The following CADM2 variants were observed in gnomAD, a reference collection of about 807,000 sequenced individuals.
The protein encoded by CADM2 is cell adhesion molecule 2.
CADM2 carries 12 observed loss-of-function variants against 49.8 expected under a neutral mutation model. The ratio of observed to expected loss-of-function variants is 0.24; its 90% CI spans 0.15 to 0.39. CADM2 has a LOEUF of 0.39. Ranked by LOEUF, CADM2 falls within the 10% of genes least tolerant of loss-of-function variation. The pLI is 1.00. For missense variants in CADM2, 378 were observed against 492.3 expected, an observed-to-expected ratio of 0.77 and a Z score of 2.20; for synonymous variants, 214 against 175.4, an observed-to-expected ratio of 1.22 and a Z score of -1.74.
At chr3:85,028,056 AC>A (rs1189366994) in intron 1 of CADM2, among the ~76,000 whole-genome samples, 1 of 152,074 alleles carries the variant, frequency 6.6e-6, no homozygotes, top group East Asian at 1.9e-4. Context: ...AAAAACCCAA[AC>A]CCTTGTATTC....
intron 1 of CADM2, among the ~76,000 whole-genome samples, chr3:85,157,082 A>C (rs2040154014): frequency 6.6e-6 from 1 of 152,200 alleles, no homozygotes; most frequent in African/African-American, 2.4e-5. Flanking sequence ...GTGAACTCCC[A>C]TTCACAATTG....
chr3:85,201,479 T>C (rs945971765), intron 1 of CADM2, among the ~76,000 whole-genome samples: 1 of 152,186 alleles, frequency 6.6e-6, no homozygotes, highest in African/African-American at 2.4e-5. Flanking sequence ...CTGATTAGGA[T>C]GGTAGTTGCT....
chr3:85,433,214 G>A (rs889699062), intron 1 of CADM2, among the ~76,000 whole-genome samples: 1 of 151,704 alleles, frequency 6.6e-6, no homozygotes, highest in African/African-American at 2.4e-5. Flanking sequence ...AAAATAACTA[G>A]CTATCCTTTG....
In CADM2 at chr3:85,237,726, C is replaced by T. The variant is rs531991966; in HGVS notation, c.61+278058C>T. On this transcript the variant is annotated intron_variant, in intron 1 of 9. Coordinates refer to ENST00000383699, the MANE Select transcript of CADM2 (RefSeq NM_001167675.2). ...GCTTCTTAAAATATAAAGTTGTCTT[C>T]AAGTATCAAGGCATCAAGTTTTATA... Among the ~76,000 whole-genome samples the T allele has an allele frequency of 1.3e-4, 19 of 151,690 alleles. 1 individual carries two copies. The highest frequency in any genetic ancestry group is 4.6e-4 in the African/African-American group (19 of 41,466).
intron 1 of CADM2, among the ~76,000 whole-genome samples, chr3:85,119,894 C>A (rs955946563): frequency 6.6e-6 from 1 of 152,104 alleles, no homozygotes; most frequent in Non-Finnish European, 1.5e-5. Context: ...TCAGAGTGAA[C>A]AGGCAACCTA....
At chr3:85,435,370 G>A (rs1216650563) in intron 1 of CADM2, among the ~76,000 whole-genome samples, 2 of 152,102 alleles carry the variant, frequency 1.3e-5, no homozygotes. Flanking sequence ...TGGCTGCATA[G>A]TATTCCATGG....
intron 8 of CADM2, among the ~76,000 whole-genome samples, chr3:86,020,762 A>G (rs1429713610): frequency 6.6e-6 from 1 of 152,216 alleles, no homozygotes. Context: ...ATAGATGCAG[A>G]AAAAGCCTTT....
chr3:85,507,986 A>G (rs1459691367), intron 1 of CADM2, among the ~76,000 whole-genome samples: 1 of 152,198 alleles, frequency 6.6e-6, no homozygotes, highest in Non-Finnish European at 1.5e-5. Flanking sequence ...TTTTGGCACA[A>G]TAGTGAGTCT....
intron 1 of CADM2, among the ~76,000 whole-genome samples, chr3:85,042,742 C>T (rs973498987): frequency 6.6e-6 from 1 of 152,106 alleles, no homozygotes; most frequent in South Asian, 2.1e-4. Context: ...CAGGTCTCTT[C>T]CAAACAACTT....
intron 8 of CADM2, chr3:85,979,338 G>C: frequency 1.3e-6 from 2 of 1,567,128 alleles, no homozygotes; most frequent in Non-Finnish European, 1.7e-6. Context: ...GAGCTCTGTA[G>C]AAGTTTTTAG....
chr3:85,452,294 A>G (rs2037781991), intron 1 of CADM2, among the ~76,000 whole-genome samples: 1 of 152,102 alleles, frequency 6.6e-6, no homozygotes. Flanking sequence ...TGGTACCAAA[A>G]CTTTCATTAC....
At chr3:85,312,031 G>A (rs899083637) in intron 1 of CADM2, among the ~76,000 whole-genome samples, 8 of 152,044 alleles carry the variant, frequency 5.3e-5, no homozygotes, top group East Asian at 1.9e-4. Flanking sequence ...TGTGTTCTAC[G>A]GTGTGAATTA....
chr3:85,359,666 A>ATATATATATATATATTTTT lies in CADM2; in HGVS notation c.62-366855_62-366854insATATATATATATATTTTTT. Among the ~76,000 whole-genome samples, 125 of 26,494 alleles carry ATATATATATATATATTTTT rather than the reference A, an allele frequency of 4.7e-3. 5 individuals are homozygous for ATATATATATATATATTTTT. The highest frequency in any genetic ancestry group is 6.2e-3 in the Non-Finnish European group (76 of 12,262). The allele number at this position is 26,494 out of a possible 152,430, so 17.4% of individuals were successfully genotyped here. Reference sequence around the variant, plus strand: ...TATATATATATATATATATATATATATTTTTTTTTTTGGTGGAGGGGAGAA... The same window carrying ATATATATATATATATTTTT: ...TATATATATATATATATATATATATATATATATATATATATTTTTTTTTTTTTTTTGGTGGAGGGGAGAA... On this transcript the variant is annotated intron_variant, in intron 1 of 9. Transcript: ENST00000383699.
intron 1 of CADM2, among the ~76,000 whole-genome samples, chr3:85,166,370 A>G (rs1484269126): frequency 6.6e-6 from 1 of 151,906 alleles, no homozygotes; most frequent in African/African-American, 2.4e-5. Flanking sequence ...TGATTATTTT[A>G]TAATGAGATT....
At chr3:85,278,015 C>G (rs2043401323) in intron 1 of CADM2, among the ~76,000 whole-genome samples, 1 of 150,952 alleles carries the variant, frequency 6.6e-6, no homozygotes, top group Non-Finnish European at 1.5e-5. Context: ...GAGTTTCTCC[C>G]CTTTTTTTTT....
chr3:85,261,020 A>G (rs1330071412), intron 1 of CADM2, among the ~76,000 whole-genome samples: 1 of 152,054 alleles, frequency 6.6e-6, no homozygotes, highest in Non-Finnish European at 1.5e-5. Flanking sequence ...ATGAAGAAAA[A>G]TATGTGTCTT....
chr3:85,790,221 T>A (rs9836755), intron 2 of CADM2, among the ~76,000 whole-genome samples: 62,530 of 152,084 alleles, frequency 0.41, 13,540 homozygotes, highest in East Asian at 0.76. Context: ...AAGACAATGA[T>A]GTTATGTTTC....
intron 8 of CADM2, chr3:85,994,416 T>G (rs1319519007): frequency 6.6e-6 from 1 of 152,244 alleles, no homozygotes; most frequent in East Asian, 1.9e-4. Flanking sequence ...TCAAGACCAC[T>G]TAAACTTTCT....
intron 1 of CADM2, among the ~76,000 whole-genome samples, chr3:85,568,614 T>TTTTTTTC (rs2062386762): frequency 8.9e-6 from 1 of 112,670 alleles, no homozygotes; most frequent in Admixed American, 9.9e-5. Context: ...CTCTCTTTCT[T>TTTTTTTC]TTTTTTTTTT....
Sources: allele counts gnomAD v4.1 joint callset (sites outside exome capture counted in the v4.1 genomes callset), GRCh38; gene constraint gnomAD v4.1.1; transcripts MANE v1.5; gene names NCBI Gene and HGNC (gene_info 2026-07-23, HGNC 2026-07-21).